The following TMC1 variants were observed in gnomAD, a reference collection of about 807,000 sequenced individuals.
The protein encoded by TMC1 is transmembrane channel like 1, also known as transmembrane channel-like protein 1.
In TMC1, 84 loss-of-function variants were observed where a neutral mutation model predicts 105.8. The observed-to-expected ratio is 0.79, with a 90% confidence interval of 0.67 to 0.95. The LOEUF (loss-of-function observed/expected upper bound fraction) is 0.95. Among genes scored for constraint, TMC1 ranks in the 40% least tolerant of loss-of-function variants. The pLI, the probability that TMC1 is intolerant of heterozygous loss-of-function variation, is 0.00. For missense variants in TMC1, 817 were observed against 914.1 expected, an observed-to-expected ratio of 0.89 and a Z score of 1.37; for synonymous variants, 315 against 311.5, an observed-to-expected ratio of 1.01 and a Z score of -0.12.
intron 12 of TMC1, among the ~76,000 whole-genome samples, chr9:72,761,941 G>A (rs1240766743): frequency 1.3e-5 from 2 of 152,120 alleles, no homozygotes; most frequent in African/African-American, 2.4e-5. Flanking sequence ...TATTTGAAAA[G>A]GTGAATCATT....
chr9:72,655,778 G>C, intron 5 of TMC1: 1 of 567,830 alleles, frequency 1.8e-6, no homozygotes, highest in East Asian at 3.0e-5. Context: ...ACTGATGCTT[G>C]TTTCATTTTT....
At chr9:72,820,028 TAA>T (rs1272926357) in intron 19 of TMC1, among the ~76,000 whole-genome samples, 4 of 152,180 alleles carry the variant, frequency 2.6e-5, no homozygotes, top group Non-Finnish European at 5.9e-5. Flanking sequence ...AGTAGTATTT[TAA>T]AATGCTTATA....
intron 8 of TMC1, among the ~76,000 whole-genome samples, chr9:72,718,601 G>A (rs1158305707): frequency 6.6e-6 from 1 of 152,188 alleles, no homozygotes; most frequent in Admixed American, 6.5e-5. Context: ...TGGTCCAGTG[G>A]AGGTGGCAGA....
intron 1 of TMC1, among the ~76,000 whole-genome samples, chr9:72,572,609 G>T (rs910672481): frequency 3.3e-5 from 5 of 152,100 alleles, no homozygotes; most frequent in African/African-American, 1.2e-4. Flanking sequence ...CTTCCTAAAG[G>T]GGTAATACCT....
chr9:72,777,145 G>A (rs77509490), intron 13 of TMC1, among the ~76,000 whole-genome samples: 1,827 of 152,182 alleles, frequency 0.012, 16 homozygotes, highest in Non-Finnish European at 0.018. Flanking sequence ...CTACTTAGAT[G>A]TCAGTGCCTT....
intron 2 of TMC1, among the ~76,000 whole-genome samples, chr9:72,596,164 C>T (rs989982289): frequency 1.3e-5 from 2 of 152,122 alleles, no homozygotes; most frequent in South Asian, 2.1e-4. Context: ...CGTGAGCCAC[C>T]GCGCCCAGCC....
chr9:72,657,570 G>A (rs1825904045), intron 5 of TMC1, among the ~76,000 whole-genome samples: 1 of 152,104 alleles, frequency 6.6e-6, no homozygotes, highest in Non-Finnish European at 1.5e-5. Context: ...CAGTTTTGGG[G>A]TGGTTCTCTC....
chr9:72,832,811 A>G, intron 23 of TMC1, among the ~76,000 whole-genome samples: 1 of 152,276 alleles, frequency 6.6e-6, no homozygotes, highest in African/African-American at 2.4e-5. Context: ...TTTTAAATCA[A>G]TACTACATGT....
chr9:72,748,832 A>G (rs1827533680), intron 10 of TMC1, among the ~76,000 whole-genome samples: 1 of 152,260 alleles, frequency 6.6e-6, no homozygotes, highest in Non-Finnish European at 1.5e-5. Context: ...CTCCTCTGCT[A>G]TTGATAGGTC....
At chr9:72,703,818 G>A (rs1371398762) in intron 8 of TMC1, among the ~76,000 whole-genome samples, 1 of 152,222 alleles carries the variant, frequency 6.6e-6, no homozygotes, top group Non-Finnish European at 1.5e-5. Flanking sequence ...ATTTTCCATG[G>A]CCAGAAGTGG....
chr9:72,571,606 C>G (rs1413800889), intron 1 of TMC1, among the ~76,000 whole-genome samples: 1 of 151,390 alleles, frequency 6.6e-6, no homozygotes, highest in Non-Finnish European at 1.5e-5. Flanking sequence ...ACCGCCATGC[C>G]CAGCTAATTT....
chr9:72,654,691 C>A (rs1825858856), intron 5 of TMC1, among the ~76,000 whole-genome samples: 1 of 151,814 alleles, frequency 6.6e-6, no homozygotes, highest in Admixed American at 6.6e-5. Flanking sequence ...TACAATCTAT[C>A]ATTATTACTT....
intron 9 of TMC1, 147 bp from the exon 10 acceptor site, chr9:72,742,297 A>G (rs916910176): frequency 1.7e-5 from 12 of 709,608 alleles, no homozygotes; most frequent in African/African-American, 5.3e-5. Context: ...AGTGAAACCT[A>G]CTGTTTCCCC....
chr9:72,829,923 G>C (rs1829014298), intron 21 of TMC1, among the ~76,000 whole-genome samples: 1 of 152,140 alleles, frequency 6.6e-6, no homozygotes, highest in Admixed American at 6.5e-5. Context: ...GAGGGAGAAA[G>C]AAATGCAAAC....
At chr9:72,551,010 A>T (rs769380043) in intron 1 of TMC1, among the ~76,000 whole-genome samples, 4 of 152,156 alleles carry the variant, frequency 2.6e-5, no homozygotes, top group Non-Finnish European at 5.9e-5. Flanking sequence ...CAGATGCAAT[A>T]TTGTTTCCTA....
intron 1 of TMC1, among the ~76,000 whole-genome samples, chr9:72,576,568 A>G (rs1469332527): frequency 6.6e-5 from 10 of 151,652 alleles, no homozygotes; most frequent in Admixed American, 6.6e-4. Context: ...GCCCAATGCC[A>G]AGGGATGGCT....
chr9:72,784,009 C>A (rs1040614089), intron 13 of TMC1, among the ~76,000 whole-genome samples: 2 of 152,102 alleles, frequency 1.3e-5, no homozygotes, highest in African/African-American at 4.8e-5. Context: ...TCGGCCCTGG[C>A]AAATCCTTCA....
intron 1 of TMC1, among the ~76,000 whole-genome samples, chr9:72,539,971 C>T (rs145704980): frequency 6.6e-6 from 1 of 152,258 alleles, no homozygotes; most frequent in East Asian, 1.9e-4. Context: ...GAAGGGGAGC[C>T]TCCATGTGCA....
intron 19 of TMC1, among the ~76,000 whole-genome samples, chr9:72,819,067 C>T (rs1411212667): frequency 6.6e-6 from 1 of 152,110 alleles, no homozygotes; most frequent in Non-Finnish European, 1.5e-5. Flanking sequence ...ATGAAACAAC[C>T]TCAAAATCGT....
Sources: gnomAD v4.1 joint callset for allele counts (sites outside exome capture counted in the v4.1 genomes callset) on GRCh38, gnomAD v4.1.1 for gene constraint, MANE v1.5 for transcripts, NCBI Gene and HGNC (gene_info 2026-07-23, HGNC 2026-07-21) for gene names.